Variants in IQCM observed in about 807,000 individuals in gnomAD.
IQCM encodes IQ domain-containing protein M.
A neutral mutation model predicts 57.6 loss-of-function variants in IQCM; 45 were observed. The ratio of observed to expected loss-of-function variants is 0.78; its 90% CI spans 0.62 to 1.00. IQCM has a LOEUF of 1.00. Among genes scored for constraint, IQCM ranks in the 50% least tolerant of loss-of-function variants. The pLI, the probability that IQCM is intolerant of heterozygous loss-of-function variation, is 0.00. For missense variants in IQCM, 468 were observed against 511.6 expected (o/e 0.91, Z 0.82); for synonymous variants, 148 against 158.9 (o/e 0.93, Z 0.51).
intron 13 of IQCM, among the ~76,000 whole-genome samples, chr4:149,405,662 T>A (rs1301309470): frequency 2.6e-5 from 4 of 151,780 alleles, no homozygotes; most frequent in East Asian, 3.9e-4. Flanking sequence ...TCACTTAATG[T>A]TGAAATATGC....
intron 12 of IQCM, among the ~76,000 whole-genome samples, chr4:149,486,666 A>G (rs1489635784): frequency 2.6e-5 from 4 of 152,136 alleles, no homozygotes; most frequent in African/African-American, 9.7e-5. Flanking sequence ...GAATCACTTG[A>G]ACCCAGGAGG....
chr4:149,559,638 C>T (rs766515918), intron 10 of IQCM, among the ~76,000 whole-genome samples: 12 of 152,182 alleles, frequency 7.9e-5, no homozygotes, highest in South Asian at 2.1e-4. Context: ...ATGCTCTTCA[C>T]ACACCAGGCA....
intron 12 of IQCM, among the ~76,000 whole-genome samples, chr4:149,444,278 A>G (rs899694228): frequency 2.6e-5 from 4 of 151,944 alleles, no homozygotes; most frequent in Non-Finnish European, 5.9e-5. Flanking sequence ...TTTTTCTATA[A>G]TATATAAATT....
chr4:149,670,760 T>C (rs1188293767), intron 7 of IQCM, among the ~76,000 whole-genome samples: 1 of 152,208 alleles, frequency 6.6e-6, no homozygotes, highest in Non-Finnish European at 1.5e-5. Context: ...TTAGGTTCTG[T>C]TCATATGATG....
intron 12 of IQCM, among the ~76,000 whole-genome samples, chr4:149,532,807 T>C (rs1184186136): frequency 6.6e-6 from 1 of 152,094 alleles, no homozygotes; most frequent in Non-Finnish European, 1.5e-5. Context: ...CCTGCCACAC[T>C]GGAAATCAAC....
chr4:149,504,280 C>T (rs750186458), intron 12 of IQCM, among the ~76,000 whole-genome samples: 7 of 152,106 alleles, frequency 4.6e-5, no homozygotes, highest in Non-Finnish European at 7.4e-5. Context: ...AATAGTTAAA[C>T]AATTCTATGT....
chr4:149,518,313 C>T (rs950221497), intron 12 of IQCM, among the ~76,000 whole-genome samples: 1 of 152,062 alleles, frequency 6.6e-6, no homozygotes, highest in African/African-American at 2.4e-5. Flanking sequence ...GTCTCTGTTA[C>T]CCTAGTGCTT....
intron 13 of IQCM, among the ~76,000 whole-genome samples, chr4:149,388,932 T>C (rs911466175): frequency 1.3e-5 from 2 of 151,282 alleles, no homozygotes; most frequent in African/African-American, 2.4e-5. Context: ...AATCCGTGGG[T>C]TGTCTTTTAA....
intron 13 of IQCM, among the ~76,000 whole-genome samples, chr4:149,407,181 CCACAG>C (rs1396604118): frequency 6.6e-6 from 1 of 152,050 alleles, no homozygotes; most frequent in Non-Finnish European, 1.5e-5. Context: ...CAGGTCCCTC[CCACAG>C]CTCTTGGGAA....
chr4:149,530,614 T>C (rs1320861859), intron 12 of IQCM, among the ~76,000 whole-genome samples: 1 of 152,220 alleles, frequency 6.6e-6, no homozygotes, highest in African/African-American at 2.4e-5. Flanking sequence ...ATCTATTTAG[T>C]TTCTCTTCAT....
chr4:149,446,270 A>C (rs1213328767), intron 12 of IQCM, among the ~76,000 whole-genome samples: 1 of 151,758 alleles, frequency 6.6e-6, no homozygotes, highest in Non-Finnish European at 1.5e-5. Context: ...AGCTGTCTTT[A>C]AAAAGGAATT....
At chr4:149,615,622 T>G (rs1180426837) in intron 8 of IQCM, among the ~76,000 whole-genome samples, 1 of 152,190 alleles carries the variant, frequency 6.6e-6, no homozygotes, top group African/African-American at 2.4e-5. Flanking sequence ...GGATACAAAA[T>G]ACATTTTAAA....
At chr4:149,681,991 T>TA (rs1213904060) in intron 7 of IQCM, 127 bp downstream of exon 7, 3 of 403,140 alleles carry the variant, frequency 7.4e-6, no homozygotes, top group African/African-American at 6.2e-5. Context: ...TTATCTTTGA[T>TA]ACAGTGTTTG....
intron 5 of IQCM, among the ~76,000 whole-genome samples, chr4:149,689,927 A>G (rs1317900805): frequency 6.6e-6 from 1 of 152,160 alleles, no homozygotes; most frequent in Non-Finnish European, 1.5e-5. Flanking sequence ...GTTGGCATGG[A>G]TGCAGTGATC....
At chr4:149,716,463 A>G (rs1332024904) in intron 5 of IQCM, among the ~76,000 whole-genome samples, 1 of 152,112 alleles carries the variant, frequency 6.6e-6, no homozygotes, top group African/African-American at 2.4e-5. Context: ...CCCCCAAGAG[A>G]GCAGAGATGT....
At chr4:149,650,005 G>T (rs1339789307) in intron 7 of IQCM, among the ~76,000 whole-genome samples, 1 of 152,116 alleles carries the variant, frequency 6.6e-6, no homozygotes, top group Non-Finnish European at 1.5e-5. Flanking sequence ...CTATGAATGA[G>T]TTAAAACAAT....
intron 13 of IQCM, among the ~76,000 whole-genome samples, chr4:149,365,077 A>T (rs1729741784): frequency 6.6e-6 from 1 of 152,188 alleles, no homozygotes; most frequent in African/African-American, 2.4e-5. Flanking sequence ...GTGACACTTC[A>T]GTAGCAATGA....
intron 13 of IQCM, among the ~76,000 whole-genome samples, chr4:149,390,932 A>T (rs1335101379): frequency 6.6e-6 from 1 of 151,824 alleles, no homozygotes; most frequent in Admixed American, 6.6e-5. Flanking sequence ...GCCTCACAGA[A>T]TGAGTGGGAG....
chr4:149,810,362 C>CAAAAAAAA (rs748565416), intron 2 of IQCM, among the ~76,000 whole-genome samples: 2 of 86,236 alleles, frequency 2.3e-5, no homozygotes, highest in Non-Finnish European at 2.8e-5. Context: ...ACACCATCTC[C>CAAAAAAAA]AAAAAAAAAA....
Sources: gnomAD v4.1 joint callset for allele counts (sites outside exome capture counted in the v4.1 genomes callset) on GRCh38, gnomAD v4.1.1 for gene constraint, MANE v1.5 for transcripts, NCBI Gene and HGNC (gene_info 2026-07-23, HGNC 2026-07-21) for gene names.